Variants in ATP2A2 observed in about 807,000 individuals in gnomAD.
ATP2A2 encodes ATPase sarcoplasmic/endoplasmic reticulum Ca2+ transporting 2, also known as sarcoplasmic/endoplasmic reticulum calcium ATPase 2.
ATP2A2 carries 14 observed loss-of-function variants against 109.3 expected under a neutral mutation model. That is an observed-to-expected ratio of 0.13 (90% CI 0.08 to 0.20). ATP2A2 has a LOEUF of 0.20. Among genes scored for constraint, ATP2A2 ranks in the 10% least tolerant of loss-of-function variants. The pLI, the probability that ATP2A2 is intolerant of heterozygous loss-of-function variation, is 1.00. For synonymous variants in ATP2A2, 506 were observed against 490.9 expected (o/e 1.03, Z -0.41); for missense variants, 657 against 1,321.6 (o/e 0.50, Z 7.80).
At chr12:110,317,190 T>C (rs1312097479) in intron 5 of ATP2A2, among the ~76,000 whole-genome samples, 1 of 152,148 alleles carries the variant, frequency 6.6e-6, no homozygotes. Flanking sequence ...GTTAAATGTT[T>C]AAGTAGTTTA....
chr12:110,318,832 A>G (rs900275779), intron 5 of ATP2A2, among the ~76,000 whole-genome samples: 11 of 152,140 alleles, frequency 7.2e-5, no homozygotes, highest in African/African-American at 2.7e-4. Flanking sequence ...ATCAGTTTCT[A>G]ATAGAAGCCA....
At chr12:110,304,590 A>C (rs114405174) in intron 5 of ATP2A2, among the ~76,000 whole-genome samples, 1,559 of 152,286 alleles carry the variant, frequency 0.01, 31 homozygotes, top group Middle Eastern at 0.044. Context: ...CTTTGGAGAA[A>C]TGCCTGTTTA....
In ATP2A2 at chr12:110,281,355, C is replaced by G. The variant is rs1872060078; in HGVS notation, c.-435C>G. On this transcript the variant is annotated 5_prime_UTR_variant, in exon 1 of 20. Coordinates refer to ENST00000539276, the MANE Select transcript of ATP2A2 (RefSeq NM_170665.4). ...GCGCTGAGGGACCCGGGCGAGCGCG[C>G]CGCGCACCGCCCCGCCGGCTCGCCT... The G allele has an allele frequency of 6.6e-6, 1 of 151,734 alleles. No individual in the cohort carries two copies. Among genetic ancestry groups the G allele is most frequent in the African/African-American group, 2.4e-5 (1 of 41,388 alleles). 9.4% of individuals were successfully genotyped at this position (151,734 alleles called of 1,614,324 possible). A position where few individuals can be genotyped will look rare whatever the true frequency, so the allele number is the denominator to read the frequency against.
Position 110,349,111 on chromosome 12 carries a change from G to A in ATP2A2, c.*2641G>A. 1.0e-6 allele frequency: 1 copy of A among 985,468 alleles called. No homozygotes were observed. Among genetic ancestry groups the A allele is most frequent in the Non-Finnish European group, 1.2e-6 (1 of 829,966 alleles). The allele number at this position is 985,468 out of a possible 1,614,324, so 61.0% of individuals were successfully genotyped here. A position where few individuals can be genotyped will look rare whatever the true frequency, so the allele number is the denominator to read the frequency against. On this transcript the variant is annotated 3_prime_UTR_variant, in exon 20 of 20. Transcript: ENST00000539276. ...CCCACTTCCCTTGGTCCAGACAGCT[G>A]GGAGTGGGTTAGGCCCACTGCTGTT...
At position 110,340,852 on chromosome 12, in the gene ATP2A2, T is replaced by A. The variant is rs1017875193; in HGVS notation, c.1955T>A (p.Phe652Tyr). 4 of 1,614,220 alleles carry A rather than the reference T, an allele frequency of 2.5e-6. No individual in the cohort carries two copies. The highest frequency in any genetic ancestry group is 3.4e-6 in the Non-Finnish European group (4 of 1,180,054). The change falls in exon 14 of 20, where the codon TTC becomes TAC. Residue 652 changes from phenylalanine (F) to tyrosine (Y), a missense_variant. Physicochemically the swap from Phe to Tyr is conservative, Grantham distance 22. Coordinates refer to ENST00000539276, the MANE Select transcript of ATP2A2 (RefSeq NM_170665.4). This position sits in a 1 kb window ranked among gnomAD's most constrained non-coding sequence, Gnocchi z 6.0. The part of the protein sequence containing the change: ...GQDEDVTSKA[F>Y]TGREFDELNP... ...GATGAGGACGTGACGTCAAAAGCTT[T>A]CACAGGCCGGGAGTTTGATGAACTC... is the stretch of plus-strand genomic sequence containing the variant.
intron 5 of ATP2A2, among the ~76,000 whole-genome samples, chr12:110,322,093 C>A (rs1446038945): frequency 6.6e-6 from 1 of 151,498 alleles, no homozygotes; most frequent in East Asian, 2.0e-4. Flanking sequence ...CGGGTTCACG[C>A]CATTCTCCTG....
At chr12:110,296,371 AT>A in intron 4 of ATP2A2, 1 of 545,422 alleles carries the variant, frequency 1.8e-6, no homozygotes, top group Non-Finnish European at 3.2e-6. Flanking sequence ...GCTTTTCCTC[AT>A]TGTTTTATCC....
At chr12:110,334,518 C>T (rs150721489) in intron 11 of ATP2A2, among the ~76,000 whole-genome samples, 1 of 151,074 alleles carries the variant, frequency 6.6e-6, no homozygotes. Context: ...GTCTTTCTAT[C>T]TTGAAACTTT....
rs578035756 is a variant in ATP2A2, at chr12:110,306,690, AT to A, written c.463+9955del. Reference sequence around the variant, plus strand: ...ATTTTGCTGGAAAAGACATGATTTCATTCTTTTGCATGGCTGCGTAGTATCA... The same window carrying A: ...ATTTTGCTGGAAAAGACATGATTTCATCTTTTGCATGGCTGCGTAGTATCA... On this transcript the variant is annotated intron_variant, in intron 5 of 19. Coordinates refer to ENST00000539276, the MANE Select transcript of ATP2A2 (RefSeq NM_170665.4). Among the ~76,000 whole-genome samples, 179 of 152,262 alleles carry A rather than the reference AT, an allele frequency of 1.2e-3. 1 individual carries two copies. Among genetic ancestry groups the A allele is most frequent in the African/African-American group, 4.1e-3 (172 of 41,542 alleles).
Position 110,349,572 on chromosome 12 carries a change from C to T in ATP2A2, c.*3102C>T, listed in dbSNP as rs1161784922. On this transcript the variant is annotated 3_prime_UTR_variant, in exon 20 of 20. Transcript: ENST00000539276. The stretch of plus-strand genomic sequence containing the variant: ...AGCAGGGCATCTGGCCGACTTCCCT[C>T]ACAACAGCTGCTCCCACATCCCCTC... The T allele has an allele frequency of 3.0e-6, 3 of 986,582 alleles. No homozygotes were observed. The highest frequency in any genetic ancestry group is 2.3e-4 in the East Asian group (2 of 8,836). 61.1% of individuals were successfully genotyped at this position (986,582 alleles called of 1,614,324 possible). A position where few individuals can be genotyped will look rare whatever the true frequency, so the allele number is the denominator to read the frequency against.
chr12:110,292,124 G>A lies in ATP2A2; in HGVS notation c.324G>A (p.Gln108=). The change falls in exon 4 of 20, where the codon CAG becomes CAA. Residue 108 remains glutamine (Q), a splice_region_variant and synonymous_variant. Coordinates refer to ENST00000539276, the MANE Select transcript of ATP2A2 (RefSeq NM_170665.4). Reference sequence around the variant, plus strand: ...CCAATGCAATTGTGGGTGTATGGCAGGTAAGCAAAAATTCCTGTACTGCAA... The same window carrying A: ...CCAATGCAATTGTGGGTGTATGGCAAGTAAGCAAAAATTCCTGTACTGCAA... ...LVANAIVGVW[Q]ERNAENAIEA... is the part of the protein sequence containing the mutation. The A allele has an allele frequency of 6.2e-7, 1 of 1,612,278 alleles. No individual in the cohort carries two copies. Among genetic ancestry groups the A allele is most frequent in the Non-Finnish European group, 8.5e-7 (1 of 1,178,374 alleles).
At position 110,345,390 on chromosome 12, in the gene ATP2A2, C is replaced by T; in HGVS notation, c.2741+8C>T. 1 of 1,614,196 alleles carries T rather than the reference C, an allele frequency of 6.2e-7. No homozygotes were observed. The highest frequency in any genetic ancestry group is 8.5e-7 in the Non-Finnish European group (1 of 1,180,034). On this transcript the variant is annotated splice_region_variant and intron_variant, in intron 18 of 19. Coordinates refer to ENST00000539276, the MANE Select transcript of ATP2A2 (RefSeq NM_170665.4). Reference sequence around the variant, plus strand: ...GTGTAACGCCCTCAACAGGTTAGTGCACCTTCACGGCAGGCTGAGGCGAGC... The same window carrying T: ...GTGTAACGCCCTCAACAGGTTAGTGTACCTTCACGGCAGGCTGAGGCGAGC...
At chr12:110,294,662 T>A (rs1457593670) in intron 4 of ATP2A2, among the ~76,000 whole-genome samples, 1 of 151,966 alleles carries the variant, frequency 6.6e-6, no homozygotes, top group African/African-American at 2.4e-5. Context: ...AAAAAAAGAT[T>A]CGAGTTTTTA....
Position 110,318,047 on chromosome 12 carries a change from C to T in ATP2A2, c.464-4945C>T, listed in dbSNP as rs991953425. Among the ~76,000 whole-genome samples the T allele has an allele frequency of 2.0e-5, 3 of 152,162 alleles. No individual in the cohort carries two copies. In the South Asian group the frequency reaches 6.2e-4, roughly 32 times the overall value. On this transcript the variant is annotated intron_variant, in intron 5 of 19. Transcript: ENST00000539276. ...TCCCTTTGGCAAGAGTAAGAATTTTCCACTACCACTTGCCCTAAGAGCATT... is the reference window on the plus strand; with the variant it reads ...TCCCTTTGGCAAGAGTAAGAATTTTTCACTACCACTTGCCCTAAGAGCATT...
At chr12:110,333,103 A>C (rs1029181465) in intron 9 of ATP2A2, 78 bp from the exon 10 acceptor site, 14 of 1,232,542 alleles carry the variant, frequency 1.1e-5, no homozygotes, top group Non-Finnish European at 2.4e-6. Flanking sequence ...TTATTAAACA[A>C]TTGCGGGGGG....
intron 5 of ATP2A2, among the ~76,000 whole-genome samples, chr12:110,306,454 T>C (rs1875341898): frequency 6.6e-6 from 1 of 152,138 alleles, no homozygotes; most frequent in Admixed American, 6.5e-5. Context: ...GTCATCCAGA[T>C]GATGAGTATA....
chr12:110,308,357 C>G (rs1487729507), intron 5 of ATP2A2, among the ~76,000 whole-genome samples: 1 of 151,962 alleles, frequency 6.6e-6, no homozygotes, highest in Non-Finnish European at 1.5e-5. Context: ...GTCTCATAGG[C>G]GGGTGCCCTT....
chr12:110,334,742 C>A (rs1878676323), intron 11 of ATP2A2, among the ~76,000 whole-genome samples: 1 of 152,058 alleles, frequency 6.6e-6, no homozygotes, highest in African/African-American at 2.4e-5. Context: ...CACACGCCAC[C>A]ACGCCTGGCT....
At chr12:110,307,736 C>A (rs1201065327) in intron 5 of ATP2A2, among the ~76,000 whole-genome samples, 1 of 152,144 alleles carries the variant, frequency 6.6e-6, no homozygotes, top group Non-Finnish European at 1.5e-5. Flanking sequence ...CTTATAGATT[C>A]TGGATATTAG....
Sources: allele counts gnomAD v4.1 joint callset (sites outside exome capture counted in the v4.1 genomes callset), GRCh38; gene constraint gnomAD v4.1.1; non-coding constraint Gnocchi (gnomAD v3.1); transcripts MANE v1.5; gene names NCBI Gene and HGNC (gene_info 2026-07-23, HGNC 2026-07-21).